The following TRPC5 variants were observed in gnomAD, a reference collection of about 807,000 sequenced individuals.
TRPC5 encodes the protein transient receptor potential cation channel subfamily C member 5.
Under a neutral mutation model 56.5 loss-of-function variants are expected in TRPC5, and 9 were observed. That is an observed-to-expected ratio of 0.16 (90% CI 0.10 to 0.28). The LOEUF (loss-of-function observed/expected upper bound fraction) is 0.28. TRPC5 is among the 10% of genes least tolerant of loss of function. The probability of loss-of-function intolerance (pLI) is 1.00; values close to 1 mark genes in which losing one functional copy is unlikely to be tolerated. For synonymous variants in TRPC5, 282 were observed against 278.5 expected (o/e 1.01, Z -0.13); for missense variants, 469 against 748.9 (o/e 0.63, Z 4.36).
chrX:112,070,571 G>A (rs1348654817), intron 1 of TRPC5, among the ~76,000 whole-genome samples: 1 of 110,840 alleles, frequency 9.0e-6, no homozygotes, highest in Non-Finnish European at 1.9e-5. Flanking sequence ...CATCCAACTC[G>A]ATTTTATTTC....
chrX:112,010,782 G>T lies in TRPC5; in HGVS notation c.-21-58341C>A, dbSNP rs1367128488. On this transcript the variant is annotated intron_variant, in intron 1 of 10. Transcript: ENST00000262839. ...ACTGAAATTTCATTATGCAGCATGT[G>T]ACTGTACTTCTCAGGGTTCTTATGA... is the stretch of plus-strand genomic sequence containing the variant. 2.7e-5 allele frequency among the ~76,000 whole-genome samples: 3 copies of T among 112,155 alleles called. No homozygotes were observed. The Admixed American group carries it at 2.8e-4, about 11-fold the overall frequency.
intron 3 of TRPC5, among the ~76,000 whole-genome samples, chrX:111,910,571 G>A (rs888848860): frequency 1.8e-5 from 2 of 112,049 alleles, no homozygotes; most frequent in Non-Finnish European, 3.8e-5. Flanking sequence ...TCACTCTATC[G>A]CCCAGGCTGG....
chrX:111,821,847 A>G (rs772771343), intron 7 of TRPC5, among the ~76,000 whole-genome samples: 3 of 111,518 alleles, frequency 2.7e-5, no homozygotes, highest in African/African-American at 9.8e-5. Flanking sequence ...TCAGAGACCA[A>G]TTTAAGTAGG....
chrX:111,906,358 A>AC (rs1173737430), intron 3 of TRPC5, among the ~76,000 whole-genome samples: 2 of 109,680 alleles, frequency 1.8e-5, no homozygotes, highest in African/African-American at 6.6e-5. Context: ...CTGTTTAAAA[A>AC]AACAAAAAAC....
chrX:111,967,815 A>C (rs1927644199), intron 1 of TRPC5, among the ~76,000 whole-genome samples: 2 of 112,005 alleles, frequency 1.8e-5, no homozygotes, highest in Non-Finnish European at 1.9e-5. Flanking sequence ...CTTATACAAA[A>C]ATTAATTCAG....
At chrX:111,796,494 G>T (rs1921098995) in intron 7 of TRPC5, among the ~76,000 whole-genome samples, 1 of 111,534 alleles carries the variant, frequency 9.0e-6, no homozygotes. Flanking sequence ...GTTTTTTGTT[G>T]GTGTTTGTTT....
intron 1 of TRPC5, among the ~76,000 whole-genome samples, chrX:112,021,752 C>A (rs1411889051): frequency 8.9e-6 from 1 of 111,980 alleles, no homozygotes; most frequent in Non-Finnish European, 1.9e-5. Flanking sequence ...GTTATGTCGG[C>A]ATGCATGTTT....
At chrX:111,916,969 A>G (rs1209183941) in intron 2 of TRPC5, among the ~76,000 whole-genome samples, 4 of 113,073 alleles carry the variant, frequency 3.5e-5, no homozygotes, top group Admixed American at 2.8e-4. Context: ...AAGGCCTCAT[A>G]TGCCATGCTA....
intron 1 of TRPC5, among the ~76,000 whole-genome samples, chrX:111,990,886 C>T (rs1268889352): frequency 1.8e-5 from 2 of 112,089 alleles, no homozygotes; most frequent in East Asian, 2.8e-4. Context: ...ATTCCTCGTG[C>T]GACTTACTTT....
intron 2 of TRPC5, among the ~76,000 whole-genome samples, chrX:111,944,298 G>GAA (rs1446788737): frequency 2.0e-4 from 18 of 89,984 alleles, no homozygotes; most frequent in African/African-American, 8.6e-4. Flanking sequence ...GTGTGTGTGT[G>GAA]TGTGTGAGAG....
At chrX:111,846,968 C>T (rs1922946080) in intron 6 of TRPC5, 146 bp downstream of exon 6, 2 of 618,280 alleles carry the variant, frequency 3.2e-6, no homozygotes, top group Admixed American at 3.5e-5. Flanking sequence ...CCACCTCTGA[C>T]CCTTCGGGTG....
At chrX:111,991,758 C>A (rs893935209) in intron 1 of TRPC5, among the ~76,000 whole-genome samples, 55 of 111,736 alleles carry the variant, frequency 4.9e-4, no homozygotes, top group Non-Finnish European at 9.2e-4. Context: ...GGATATGCTA[C>A]CTTTGTCATA....
intron 1 of TRPC5, among the ~76,000 whole-genome samples, chrX:112,057,716 G>T (rs1189169496): frequency 2.7e-5 from 3 of 112,113 alleles, no homozygotes; most frequent in African/African-American, 9.7e-5. Flanking sequence ...TCAAATAGAT[G>T]ATCATCGTTT....
intron 1 of TRPC5, among the ~76,000 whole-genome samples, chrX:112,042,993 CT>C (rs1237321597): frequency 9.0e-6 from 1 of 111,606 alleles, no homozygotes; most frequent in African/African-American, 3.3e-5. Flanking sequence ...TGAAACCTTC[CT>C]TTCTACCATG....
At chrX:111,971,107 C>A (rs955852962) in intron 1 of TRPC5, among the ~76,000 whole-genome samples, 1 of 111,354 alleles carries the variant, frequency 9.0e-6, no homozygotes, top group Non-Finnish European at 1.9e-5. Flanking sequence ...TCTTCATTTC[C>A]TTTTCTGAAA....
intron 1 of TRPC5, among the ~76,000 whole-genome samples, chrX:111,961,269 A>G (rs181045402): frequency 4.8e-4 from 54 of 112,676 alleles, no homozygotes; most frequent in Non-Finnish European, 1.7e-4. Context: ...TACATAAAAT[A>G]AAACTATATG....
intron 1 of TRPC5, among the ~76,000 whole-genome samples, chrX:112,000,943 G>T (rs1409776972): frequency 8.9e-6 from 1 of 112,130 alleles, no homozygotes; most frequent in Non-Finnish European, 1.9e-5. Context: ...AACCATTCTA[G>T]TGGATAATTA....
At chrX:112,064,747 A>G (rs1244751805) in intron 1 of TRPC5, among the ~76,000 whole-genome samples, 1 of 112,530 alleles carries the variant, frequency 8.9e-6, no homozygotes, top group Non-Finnish European at 1.9e-5. Flanking sequence ...CTTTCATCAT[A>G]GGATGGATCA....
At chrX:111,953,920 T>C (rs1927160227) in intron 1 of TRPC5, among the ~76,000 whole-genome samples, 1 of 111,458 alleles carries the variant, frequency 9.0e-6, no homozygotes, top group Non-Finnish European at 1.9e-5. Flanking sequence ...ATGACAAATT[T>C]CTCTCCACAT....
Sources: gnomAD v4.1 joint callset for allele counts (sites outside exome capture counted in the v4.1 genomes callset) on GRCh38, gnomAD v4.1.1 for gene constraint, MANE v1.5 for transcripts, NCBI Gene and HGNC (gene_info 2026-07-23, HGNC 2026-07-21) for gene names.